Variants in KLHL24 observed in about 807,000 individuals in gnomAD.
KLHL24 encodes kelch-like protein 24.
In KLHL24, 29 loss-of-function variants were observed where a neutral mutation model predicts 53.4. That is an observed-to-expected ratio of 0.54 (90% CI 0.40 to 0.74). The LOEUF (loss-of-function observed/expected upper bound fraction) is 0.74, where lower values mean the gene tolerates loss of function less well. Ranked by LOEUF, KLHL24 falls within the 30% of genes least tolerant of loss-of-function variation. The pLI is 0.00. For missense variants in KLHL24, 504 were observed against 744.0 expected, an observed-to-expected ratio of 0.68 and a Z score of 3.75; for synonymous variants, 222 against 253.7, an observed-to-expected ratio of 0.88 and a Z score of 1.19.
At chr3:183,657,482 T>C (rs1719078126) in intron 3 of KLHL24, among the ~76,000 whole-genome samples, 1 of 152,234 alleles carries the variant, frequency 6.6e-6, no homozygotes, top group Non-Finnish European at 1.5e-5. Context: ...AGGGCAAGCC[T>C]CAAGTTCTGT....
In KLHL24 at chr3:183,663,385, A is replaced by C. The variant is rs965870491; in HGVS notation, c.921-73A>C. The C allele has an allele frequency of 4.9e-6, 4 of 811,398 alleles. No individual in the cohort carries two copies. The African/African-American group carries it at 7.2e-5, about 15-fold the overall frequency. 50.3% of individuals were successfully genotyped at this position (811,398 alleles called of 1,614,324 possible). ...GTGCGTGGTTTGTTTTTAGAGTTTT[A>C]AGAAAAAATCTGGAGTATATTTTAA... is the stretch of plus-strand genomic sequence containing the variant. On this transcript the variant is annotated intron_variant, in intron 3 of 7. Coordinates refer to ENST00000242810, the MANE Select transcript of KLHL24 (RefSeq NM_017644.3). This position sits in a 1 kb window ranked among gnomAD's most constrained non-coding sequence, Gnocchi z 4.9.
Position 183,663,484 on chromosome 3 carries a change from T to C in KLHL24, c.947T>C (p.Val316Ala). ...TCCACTGGCTATTCTGAGGTGATAG[T>C]TGTCGTTGGAGGATGTGAGCGAGTT... The part of the protein sequence containing the change: ...RRSTGYSEVI[V>A]VVGGCERVGG... The change falls in exon 4 of 8, where the codon GTT (valine) becomes GCT (alanine). Residue 316 changes from valine to alanine, a missense_variant. Transcript: ENST00000242810. This position sits in a 1 kb window ranked among gnomAD's most constrained non-coding sequence, Gnocchi z 4.9. 1.3e-6 allele frequency: 2 copies of C among 1,568,910 alleles called. No homozygotes were observed. The highest frequency in any genetic ancestry group is 1.2e-5 in the South Asian group (1 of 82,312).
chr3:183,651,083 C>G lies in KLHL24; in HGVS notation c.727C>G (p.Leu243Val), dbSNP rs780452929. The change falls in exon 3 of 8, where the codon CTG (leucine) becomes GTG (valine). Residue 243 changes from leucine (L) to valine (V), a missense_variant. Coordinates refer to ENST00000242810, the MANE Select transcript of KLHL24 (RefSeq NM_017644.3). ...GCGTTGGGTCTATCGTGCCGTTGAT[C>G]TGAGAAGACCACTGTTACACGAGCT... is the stretch of plus-strand genomic sequence containing the variant. ...VMRWVYRAVD[L>V]RRPLLHELLT... is the part of the protein sequence containing the mutation. 5.0e-6 allele frequency: 8 copies of G among 1,614,066 alleles called. No homozygotes were observed. The East Asian group carries it at 6.7e-5, about 13-fold the overall frequency.
At chr3:183,640,416 T>A (rs992067129) in intron 1 of KLHL24, among the ~76,000 whole-genome samples, 4 of 152,168 alleles carry the variant, frequency 2.6e-5, no homozygotes, top group Admixed American at 1.3e-4. Context: ...TTGTTTAAGC[T>A]TTCCTAAATT....
intron 7 of KLHL24, among the ~76,000 whole-genome samples, chr3:183,673,780 C>T (rs1029901002): frequency 6.6e-6 from 1 of 152,064 alleles, no homozygotes; most frequent in African/African-American, 2.4e-5. Context: ...GTTTTTCTAC[C>T]CAGTCCTTAA....
chr3:183,655,402 G>A (rs893874668), intron 3 of KLHL24, among the ~76,000 whole-genome samples: 1 of 152,148 alleles, frequency 6.6e-6, no homozygotes, highest in African/African-American at 2.4e-5. Context: ...AAGGCATGGG[G>A]GTTGCTTGAG....
intron 1 of KLHL24, among the ~76,000 whole-genome samples, chr3:183,642,318 C>A (rs767628723): frequency 1.3e-5 from 2 of 152,056 alleles, no homozygotes; most frequent in Non-Finnish European, 2.9e-5. Flanking sequence ...AAGTCAGGTT[C>A]ACTTCTGAAA....
intron 2 of KLHL24, among the ~76,000 whole-genome samples, chr3:183,648,722 C>G (rs1717683414): frequency 6.6e-6 from 1 of 152,088 alleles, no homozygotes; most frequent in Admixed American, 6.6e-5. Flanking sequence ...GAGAATTGGG[C>G]TGGGCACCAT....
intron 3 of KLHL24, among the ~76,000 whole-genome samples, chr3:183,654,961 C>T (rs930942650): frequency 6.6e-5 from 10 of 152,342 alleles, no homozygotes; most frequent in Middle Eastern, 3.4e-3. Flanking sequence ...CACAGCATAT[C>T]TGGGTATCCC....
chr3:183,663,593 C>T lies in KLHL24; in HGVS notation c.1056C>T (p.Thr352=). The change falls in exon 4 of 8, where the codon ACC becomes ACT. Residue 352 remains threonine (T), a synonymous_variant. Transcript: ENST00000242810. This position sits in a 1 kb window ranked among gnomAD's most constrained non-coding sequence, Gnocchi z 4.9. Reference sequence around the variant, plus strand: ...CTTTGGCTAAGCTTCCAGAATTTACCAAATCAGAGTATGCAGTCTGTGCTC... The same window carrying T: ...CTTTGGCTAAGCTTCCAGAATTTACTAAATCAGAGTATGCAGTCTGTGCTC... ...WKSLAKLPEF[T]KSEYAVCALR... is the part of the protein sequence containing the mutation. 1.2e-6 allele frequency: 2 copies of T among 1,604,980 alleles called. No individual in the cohort carries two copies. The highest frequency in any genetic ancestry group is 1.7e-6 in the Non-Finnish European group (2 of 1,174,898).
chr3:183,668,484 C>T (rs1433821534), intron 5 of KLHL24, among the ~76,000 whole-genome samples: 4 of 152,140 alleles, frequency 2.6e-5, no homozygotes, highest in Non-Finnish European at 4.4e-5. Context: ...TTAATTCAAG[C>T]TTATAAAACA....
At chr3:183,678,970 T>G in intron 7 of KLHL24, 116 bp from the exon 8 acceptor site, 2 of 790,666 alleles carry the variant, frequency 2.5e-6, no homozygotes, top group South Asian at 3.5e-5. Context: ...GGACCTTAGC[T>G]TTTATCATGT....
chr3:183,663,841 C>T lies in KLHL24; in HGVS notation c.1105+199C>T, dbSNP rs1314414412. Among the ~76,000 whole-genome samples the T allele has an allele frequency of 3.3e-5, 5 of 152,006 alleles. No homozygotes were observed. Among genetic ancestry groups the T allele is most frequent in the Non-Finnish European group, 7.4e-5 (5 of 68,004 alleles). On this transcript the variant is annotated intron_variant, in intron 4 of 7. Coordinates refer to ENST00000242810, the MANE Select transcript of KLHL24 (RefSeq NM_017644.3). The surrounding 1 kb of genome is among the most constrained non-coding windows in gnomAD (Gnocchi z 4.9). ...GGCGCGGTGGCTCACGCCTGTAATC[C>T]CAGCACTTTGGGAGGCCGAGGCAAG...
At chr3:183,636,608 C>T (rs1163217236) in intron 1 of KLHL24, 1 of 152,342 alleles carries the variant, frequency 6.6e-6, no homozygotes, top group Non-Finnish European at 1.5e-5. Context: ...CGGGTGAAGA[C>T]TGTTAACGCG....
chr3:183,670,959 C>T, intron 5 of KLHL24, 75 bp from the exon 6 acceptor site: 2 of 966,090 alleles, frequency 2.1e-6, no homozygotes, highest in Non-Finnish European at 3.2e-6. Flanking sequence ...AGAAGAGATC[C>T]CTTAATTCTT....
chr3:183,640,439 C>G (rs942240069), intron 1 of KLHL24, among the ~76,000 whole-genome samples: 1 of 152,038 alleles, frequency 6.6e-6, no homozygotes, highest in Non-Finnish European at 1.5e-5. Flanking sequence ...TCATCAACAG[C>G]TATCTGTTTT....
At chr3:183,670,478 T>C (rs1237293903) in intron 5 of KLHL24, among the ~76,000 whole-genome samples, 1 of 152,214 alleles carries the variant, frequency 6.6e-6, no homozygotes, top group African/African-American at 2.4e-5. Context: ...TCTGTGAACT[T>C]TAAAGTTCAT....
intron 2 of KLHL24, among the ~76,000 whole-genome samples, chr3:183,648,481 A>G (rs554777546): frequency 7.6e-5 from 11 of 144,442 alleles, no homozygotes; most frequent in African/African-American, 3.0e-4. Flanking sequence ...TATCTGTGAC[A>G]TCCTTTAGCT....
At chr3:183,673,891 G>A (rs957253987) in intron 7 of KLHL24, among the ~76,000 whole-genome samples, 6 of 151,990 alleles carry the variant, frequency 3.9e-5, no homozygotes, top group East Asian at 1.9e-4. Flanking sequence ...AGTCTGTATC[G>A]CCATCAAAGC....
Sources: allele counts gnomAD v4.1 joint callset (sites outside exome capture counted in the v4.1 genomes callset), GRCh38; gene constraint gnomAD v4.1.1; non-coding constraint Gnocchi (gnomAD v3.1); transcripts MANE v1.5; gene names NCBI Gene and HGNC (gene_info 2026-07-23, HGNC 2026-07-21).